The following SESN1 variants were observed in gnomAD, a reference collection of about 807,000 sequenced individuals.
SESN1 encodes the protein sestrin 1.
A neutral mutation model predicts 59.3 loss-of-function variants in SESN1; 30 were observed. The observed-to-expected ratio is 0.51, with a 90% CI of 0.38 to 0.69. SESN1 has a LOEUF of 0.69. Among genes scored for constraint, SESN1 ranks in the 30% least tolerant of loss-of-function variants. The pLI, the probability that SESN1 is intolerant of heterozygous loss-of-function variation, is 0.00. For missense variants in SESN1, 566 were observed against 673.0 expected, an observed-to-expected ratio of 0.84 and a Z score of 1.76; for synonymous variants, 197 against 219.9, an observed-to-expected ratio of 0.90 and a Z score of 0.92.
intron 1 of SESN1, among the ~76,000 whole-genome samples, chr6:109,067,840 C>T (rs192057174): frequency 1.2e-3 from 183 of 152,290 alleles, no homozygotes; most frequent in Non-Finnish European, 2.0e-3. Context: ...TATGTATCTG[C>T]CCTACTCTAC....
At position 109,014,006 on chromosome 6, in the gene SESN1, C is replaced by CT. The variant is rs201087997; in HGVS notation, c.280-11664dup. Among the ~76,000 whole-genome samples the CT allele has an allele frequency of 6.5e-3, 932 of 143,388 alleles. 24 individuals are homozygous for CT. In the East Asian group the frequency reaches 0.097, roughly 15 times the overall value. The allele number at this position is 143,388 out of a possible 152,430, so 94.1% of individuals were successfully genotyped here. A position where few individuals can be genotyped will look rare whatever the true frequency, so the allele number is the denominator to read the frequency against. ...AACTGATCCTCTTATTTGCTCTATA[C>CT]TTTTTTTTTTTTTCAGTTCTTCAAT... On this transcript the variant is annotated intron_variant, in intron 1 of 9. Coordinates refer to ENST00000436639, the MANE Select transcript of SESN1 (RefSeq NM_014454.3).
chr6:108,998,508 CTTACAGAAACATTTT>C lies in SESN1; in HGVS notation c.962_972+4del. The C allele has an allele frequency of 6.2e-7, 1 of 1,613,390 alleles. No individual in the cohort carries two copies. The highest frequency in any genetic ancestry group is 2.2e-5 in the East Asian group (1 of 44,878). On this transcript the variant is annotated splice_donor_variant and splice_donor_region_variant and coding_sequence_variant and intron_variant, in exon 5 of 10. Transcript: ENST00000436639. LOFTEE classifies it high-confidence loss of function. ...TATGACAATCTCATGACAAATAATA[CTTACAGAAACATTTT>C]CTGCTGAGTTGACCGGCATCTCATC...
intron 1 of SESN1, among the ~76,000 whole-genome samples, chr6:109,070,553 G>C (rs1780915890): frequency 6.6e-6 from 1 of 152,202 alleles, no homozygotes; most frequent in South Asian, 2.1e-4. Flanking sequence ...GGGCCCACCA[G>C]TTGAAATGGG....
chr6:109,001,146 T>C (rs2114306454), intron 3 of SESN1, 142 bp downstream of exon 3: 2 of 731,044 alleles, frequency 2.7e-6, no homozygotes, highest in Admixed American at 3.1e-5. Context: ...TATTTAAAAA[T>C]AGGAAAAACA....
rs1026131228 is a variant in SESN1, at chr6:108,985,598, G to T, written c.*1946C>A. 3.9e-5 allele frequency among the ~76,000 whole-genome samples: 6 copies of T among 152,108 alleles called. No individual in the cohort carries two copies. The highest frequency in any genetic ancestry group is 8.8e-5 in the Non-Finnish European group (6 of 68,008). ...ATATTTTTTAACTCATTAAAATTTT[G>T]ATTTCAATTTCTAAGTGATTATAAG... On this transcript the variant is annotated 3_prime_UTR_variant, in exon 10 of 10. Transcript: ENST00000436639.
At chr6:109,040,802 G>A (rs1171300587) in intron 1 of SESN1, among the ~76,000 whole-genome samples, 9 of 151,802 alleles carry the variant, frequency 5.9e-5, no homozygotes, top group African/African-American at 1.9e-4. Flanking sequence ...ACAGGTGCAC[G>A]CGACCACGCC....
In SESN1 at chr6:109,039,327, C is replaced by A. The variant is rs140825298; in HGVS notation, c.280-36984G>T. ...GCATAAATCATTTAAGTCATAATAG[C>A]TTATTAATCATACCATCTTACATTC... is the stretch of plus-strand genomic sequence containing the variant. On this transcript the variant is annotated intron_variant, in intron 1 of 9. Transcript: ENST00000436639. Among the ~76,000 whole-genome samples the A allele has an allele frequency of 2.5e-3, 375 of 152,312 alleles. 5 individuals are homozygous for A. The highest frequency in any genetic ancestry group is 8.4e-3 in the African/African-American group (351 of 41,570).
intron 8 of SESN1, among the ~76,000 whole-genome samples, chr6:108,990,158 G>A (rs112067917): frequency 3.3e-3 from 505 of 152,320 alleles, no homozygotes; most frequent in African/African-American, 9.8e-3. Flanking sequence ...ATGTAACATA[G>A]TAACATGGCT....
intron 1 of SESN1, among the ~76,000 whole-genome samples, chr6:109,015,322 T>G (rs1228892949): frequency 6.6e-6 from 1 of 152,124 alleles, no homozygotes; most frequent in Non-Finnish European, 1.5e-5. Flanking sequence ...CTGTGACTGC[T>G]CTCCTGCACT....
intron 1 of SESN1, among the ~76,000 whole-genome samples, chr6:109,091,318 G>T (rs1007840420): frequency 8.5e-5 from 13 of 152,052 alleles, no homozygotes; most frequent in Non-Finnish European, 1.8e-4. Flanking sequence ...TAGTATCTAG[G>T]TTTGTGTGAT....
intron 1 of SESN1, chr6:109,088,147 G>A (rs1342132836): frequency 2.0e-5 from 3 of 152,062 alleles, no homozygotes; most frequent in Admixed American, 1.3e-4. Flanking sequence ...AGAGAGAGAC[G>A]TGGGAAGAAA....
chr6:109,064,820 G>A (rs533777017), intron 1 of SESN1, among the ~76,000 whole-genome samples: 6 of 152,106 alleles, frequency 3.9e-5, no homozygotes, highest in Admixed American at 1.3e-4. Context: ...AATCTGTGTG[G>A]TGATAAACTA....
chr6:109,034,023 T>C (rs903742385), intron 1 of SESN1, among the ~76,000 whole-genome samples: 3 of 152,192 alleles, frequency 2.0e-5, no homozygotes, highest in Non-Finnish European at 2.9e-5. Context: ...CATGATAACA[T>C]AGCAGTCTTA....
At chr6:109,082,289 C>T (rs940750299) in intron 1 of SESN1, among the ~76,000 whole-genome samples, 3 of 152,120 alleles carry the variant, frequency 2.0e-5, no homozygotes, top group Admixed American at 2.0e-4. Flanking sequence ...GAGGGCTCAA[C>T]TTCCTATCTC....
rs1252808425 is a variant in SESN1 at position 108,986,722 on chromosome 6, ATGTCCCACAACT to A, written c.*810_*821del. 1 of 152,258 alleles carries A rather than the reference ATGTCCCACAACT, an allele frequency of 6.6e-6. No individual in the cohort carries two copies. Among genetic ancestry groups the A allele is most frequent in the East Asian group, 1.9e-4 (1 of 5,196 alleles). 9.4% of individuals were successfully genotyped at this position (152,258 alleles called of 1,614,324 possible). ...GGACTGCGCAGCAGTCTACAGCAACATGTCCCACAACTTTGGTGCTGGAAACACAAGTAATGC... is the reference window on the plus strand; with the variant it reads ...GGACTGCGCAGCAGTCTACAGCAACATTGGTGCTGGAAACACAAGTAATGC... On this transcript the variant is annotated 3_prime_UTR_variant, in exon 10 of 10. Transcript: ENST00000436639.
chr6:109,043,036 TCAA>T (rs1388675195), intron 1 of SESN1, among the ~76,000 whole-genome samples: 1 of 152,124 alleles, frequency 6.6e-6, no homozygotes, highest in Admixed American at 6.5e-5. Flanking sequence ...CATGGCTGGT[TCAA>T]CATCTGAAAA....
At chr6:108,987,781 A>G in intron 9 of SESN1, 151 bp from the exon 10 acceptor site, 1 of 442,864 alleles carries the variant, frequency 2.3e-6, no homozygotes, top group East Asian at 3.6e-5. Flanking sequence ...TGAACAGATT[A>G]TAAATTTCTC....
intron 1 of SESN1, among the ~76,000 whole-genome samples, chr6:109,013,707 A>G (rs1779893562): frequency 6.6e-6 from 1 of 152,270 alleles, no homozygotes; most frequent in Non-Finnish European, 1.5e-5. Context: ...GGTTTTAGCC[A>G]TTAAACCAAA....
intron 1 of SESN1, among the ~76,000 whole-genome samples, chr6:109,093,474 G>C (rs1400216718): frequency 6.6e-6 from 1 of 151,946 alleles, no homozygotes; most frequent in Non-Finnish European, 1.5e-5. Context: ...TTAAATGTGA[G>C]CCTTTACACT....
Sources: gnomAD v4.1 joint callset for allele counts (sites outside exome capture counted in the v4.1 genomes callset) on GRCh38, gnomAD v4.1.1 for gene constraint, MANE v1.5 for transcripts, NCBI Gene and HGNC (gene_info 2026-07-23, HGNC 2026-07-21) for gene names.